The following MRPL1 variants were observed in gnomAD, a reference collection of about 807,000 sequenced individuals.
MRPL1 encodes the protein large ribosomal subunit protein uL1m.
Under a neutral mutation model 38.0 loss-of-function variants are expected in MRPL1, and 28 were observed. The observed-to-expected ratio is 0.74, with a 90% confidence interval of 0.55 to 1.01. The LOEUF is 1.01. Among genes scored for constraint, MRPL1 ranks in the 50% least tolerant of loss-of-function variants. The pLI is 0.00. For missense variants in MRPL1, 358 were observed against 389.8 expected (o/e 0.92, Z 0.69); for synonymous variants, 123 against 126.7 (o/e 0.97, Z 0.20).
chr4:77,886,723 C>T (rs1352155312), intron 4 of MRPL1, among the ~76,000 whole-genome samples: 2 of 151,648 alleles, frequency 1.3e-5, no homozygotes, highest in Non-Finnish European at 2.9e-5. Context: ...TCAAGTGATC[C>T]TCTTGACTCA....
intron 6 of MRPL1, among the ~76,000 whole-genome samples, chr4:77,906,561 G>A (rs1361121561): frequency 6.6e-6 from 1 of 152,122 alleles, no homozygotes; most frequent in Non-Finnish European, 1.5e-5. Context: ...TGGGTGAGTA[G>A]AAGTGGGGCT....
At chr4:77,895,867 TTAAG>T (rs1403198423) in intron 6 of MRPL1, among the ~76,000 whole-genome samples, 7 of 152,184 alleles carry the variant, frequency 4.6e-5, no homozygotes, top group African/African-American at 1.7e-4. Context: ...ATATTCTTTC[TTAAG>T]TAAGACCTAA....
chr4:77,913,014 C>T (rs183059643), intron 7 of MRPL1, among the ~76,000 whole-genome samples: 1 of 151,916 alleles, frequency 6.6e-6, no homozygotes, highest in Non-Finnish European at 1.5e-5. Flanking sequence ...GAAATTCAAC[C>T]AATACTTCAA....
chr4:77,876,664 TA>T lies in MRPL1; in HGVS notation c.143+4815del, dbSNP rs1445458692. Among the ~76,000 whole-genome samples the T allele has an allele frequency of 3.3e-5, 5 of 152,330 alleles. No homozygotes were observed. In the South Asian group the frequency reaches 6.2e-4, roughly 19 times the overall value. Reference sequence around the variant, plus strand: ...TTAATGTATTGACTTTATAATACACTAAAAAATATTTTTTTCATGGCTAGAT... The same window carrying T: ...TTAATGTATTGACTTTATAATACACTAAAAATATTTTTTTCATGGCTAGAT... On this transcript the variant is annotated intron_variant, in intron 2 of 8. Coordinates refer to ENST00000315567, the MANE Select transcript of MRPL1 (RefSeq NM_020236.4).
chr4:77,908,865 C>T (rs1478838609), intron 6 of MRPL1, among the ~76,000 whole-genome samples: 1 of 152,184 alleles, frequency 6.6e-6, no homozygotes, highest in East Asian at 1.9e-4. Context: ...GAATTCAGTT[C>T]CTGTAGGCTG....
At chr4:77,898,989 ATTTTTT>A (rs745761741) in intron 6 of MRPL1, among the ~76,000 whole-genome samples, 470 of 95,076 alleles carry the variant, frequency 4.9e-3, no homozygotes, top group African/African-American at 0.019. Flanking sequence ...TTATGCACAG[ATTTTTT>A]TTTTTTTTTT....
rs567302569 is a variant in MRPL1 at position 77,867,443 on chromosome 4, C to T, written c.32-4301C>T. 2.6e-5 allele frequency among the ~76,000 whole-genome samples: 4 copies of T among 152,348 alleles called. No individual in the cohort carries two copies. In the East Asian group the frequency reaches 7.7e-4, roughly 29 times the overall value. ...CACTTGACAAACACTGTGCTAGGTG[C>T]TAGGTATACAATGCTGAACAAGCTA... On this transcript the variant is annotated intron_variant, in intron 1 of 8. Coordinates refer to ENST00000315567, the MANE Select transcript of MRPL1 (RefSeq NM_020236.4).
At chr4:77,885,416 G>C (rs959170558) in intron 4 of MRPL1, 77 bp downstream of exon 4, 2 of 1,151,192 alleles carry the variant, frequency 1.7e-6, no homozygotes, top group Non-Finnish European at 2.6e-6. Flanking sequence ...CACCAGTCTG[G>C]AGTGCAGTGG....
intron 7 of MRPL1, among the ~76,000 whole-genome samples, chr4:77,916,801 A>G (rs1241744802): frequency 6.6e-6 from 1 of 152,208 alleles, no homozygotes; most frequent in Non-Finnish European, 1.5e-5. Flanking sequence ...ACAAAGAAAT[A>G]TTGCCAAAAT....
chr4:77,915,199 G>A (rs1013976187), intron 7 of MRPL1, among the ~76,000 whole-genome samples: 2 of 152,108 alleles, frequency 1.3e-5, no homozygotes, highest in Admixed American at 6.6e-5. Flanking sequence ...GATGTAATAC[G>A]GAATTGATCT....
At position 77,938,102 on chromosome 4, in the gene MRPL1, G is replaced by T. The variant is rs148641545; in HGVS notation, c.778-11695G>T. ...CTTCAGTCTGTCTTCTGTCCCAGGA[G>T]TCAGCAAACCAAATCCAGCTCTCCA... On this transcript the variant is annotated intron_variant, in intron 7 of 8. Coordinates refer to ENST00000315567, the MANE Select transcript of MRPL1 (RefSeq NM_020236.4). Among the ~76,000 whole-genome samples, 494 of 152,326 alleles carry T rather than the reference G, an allele frequency of 3.2e-3. 3 individuals are homozygous for T. The highest frequency in any genetic ancestry group is 4.7e-3 in the Non-Finnish European group (320 of 68,034).
intron 7 of MRPL1, among the ~76,000 whole-genome samples, chr4:77,944,531 T>C (rs1479117433): frequency 6.6e-6 from 1 of 152,208 alleles, no homozygotes; most frequent in African/African-American, 2.4e-5. Flanking sequence ...GTATTTCTTA[T>C]GTTGTGTTTT....
intron 2 of MRPL1, among the ~76,000 whole-genome samples, chr4:77,877,883 C>T (rs1578039558): frequency 6.6e-6 from 1 of 151,656 alleles, no homozygotes; most frequent in East Asian, 2.0e-4. Flanking sequence ...TGTGCCTTTT[C>T]CTGTGTGCCT....
chr4:77,906,085 TAAGAG>T (rs1736151789), intron 6 of MRPL1, among the ~76,000 whole-genome samples: 1 of 152,160 alleles, frequency 6.6e-6, no homozygotes, highest in African/African-American at 2.4e-5. Context: ...ATGGATAGGA[TAAGAG>T]AAGTAACATG....
intron 5 of MRPL1, among the ~76,000 whole-genome samples, chr4:77,887,513 GGT>G (rs770209823): frequency 3.3e-5 from 5 of 150,940 alleles, no homozygotes; most frequent in South Asian, 2.1e-4. Context: ...GTTTATTTGG[GGT>G]GTGTGTGTGT....
At chr4:77,866,213 G>A (rs1346624087) in intron 1 of MRPL1, among the ~76,000 whole-genome samples, 2 of 151,980 alleles carry the variant, frequency 1.3e-5, no homozygotes, top group African/African-American at 2.4e-5. Context: ...CACTGGGTCC[G>A]GGTAATGTTT....
chr4:77,867,686 G>T (rs183462507), intron 1 of MRPL1, among the ~76,000 whole-genome samples: 5 of 150,766 alleles, frequency 3.3e-5, no homozygotes, highest in Admixed American at 2.0e-4. Flanking sequence ...AACCCGCCTT[G>T]GCTTCCCAGT....
chr4:77,920,176 C>T (rs991857720), intron 7 of MRPL1, among the ~76,000 whole-genome samples: 4 of 152,076 alleles, frequency 2.6e-5, no homozygotes, highest in Non-Finnish European at 5.9e-5. Context: ...GTAGAATTTG[C>T]CACATTTTGT....
At chr4:77,910,574 A>G (rs1736265054) in intron 7 of MRPL1, among the ~76,000 whole-genome samples, 2 of 152,178 alleles carry the variant, frequency 1.3e-5, no homozygotes, top group Non-Finnish European at 2.9e-5. Context: ...TTGCAGAGTG[A>G]GACCCTGTCT....
Sources: gnomAD v4.1 joint callset for allele counts (sites outside exome capture counted in the v4.1 genomes callset) on GRCh38, gnomAD v4.1.1 for gene constraint, MANE v1.5 for transcripts, NCBI Gene and HGNC (gene_info 2026-07-23, HGNC 2026-07-21) for gene names.